ANKS1B: variants seen among roughly 807,000 people sequenced by gnomAD.
The protein encoded by ANKS1B is ankyrin repeat and sterile alpha motif domain-containing protein 1B.
A neutral mutation model predicts 148.3 loss-of-function variants in ANKS1B; 36 were observed. That is an observed-to-expected ratio of 0.24 (90% CI 0.19 to 0.32). The LOEUF (loss-of-function observed/expected upper bound fraction) is 0.32. Ranked by LOEUF, ANKS1B falls within the 10% of genes least tolerant of loss-of-function variation. The probability of loss-of-function intolerance (pLI) is 1.00; values close to 1 mark genes in which losing one functional copy is unlikely to be tolerated. For missense variants in ANKS1B, 1,157 were observed against 1,542.6 expected, an observed-to-expected ratio of 0.75 and a Z score of 4.19; for synonymous variants, 542 against 560.8, an observed-to-expected ratio of 0.97 and a Z score of 0.47.
chr12:99,732,678 T>C (rs2059276433), intron 8 of ANKS1B, among the ~76,000 whole-genome samples: 1 of 152,234 alleles, frequency 6.6e-6, no homozygotes, highest in Non-Finnish European at 1.5e-5. Context: ...GTTACATTAC[T>C]ATACATTTTT....
rs879173702 is a variant in ANKS1B, at chr12:99,369,791, T to TAGATGGATGGAC, written c.1756+29839_1756+29840insGTCCATCCATCT. The stretch of plus-strand genomic sequence containing the variant: ...ATAGATAGATAGATAGATAGATAGA[T>TAGATGGATGGAC]GGACGGACGGACAGACGGACGGACG... On this transcript the variant is annotated intron_variant, in intron 12 of 26. Transcript: ENST00000683438. 9.6e-4 allele frequency among the ~76,000 whole-genome samples: 143 copies of TAGATGGATGGAC among 148,888 alleles called. 4 individuals carry two copies. In the East Asian group the frequency reaches 0.025, roughly 26 times the overall value.
intron 17 of ANKS1B, chr12:98,949,812 G>C (rs2099851321): frequency 1.3e-5 from 2 of 152,200 alleles, no homozygotes; most frequent in South Asian, 4.1e-4. Context: ...CAGCTAAGAG[G>C]ATCTACTGAT....
At chr12:99,398,986 T>C (rs2094328754) in intron 12 of ANKS1B, among the ~76,000 whole-genome samples, 1 of 152,136 alleles carries the variant, frequency 6.6e-6, no homozygotes, top group Non-Finnish European at 1.5e-5. Context: ...TTATTGTAAA[T>C]TATATGGCAG....
intron 9 of ANKS1B, among the ~76,000 whole-genome samples, chr12:98,737,101 CAG>C (rs1352462264): frequency 1.3e-5 from 2 of 152,280 alleles, no homozygotes; most frequent in South Asian, 2.1e-4. Flanking sequence ...AGAGACCGCT[CAG>C]GGGACATTCT....
At chr12:99,778,092 CG>C (rs760839202) in intron 6 of ANKS1B, among the ~76,000 whole-genome samples, 251 of 151,750 alleles carry the variant, frequency 1.7e-3, no homozygotes, top group Non-Finnish European at 2.0e-3. Flanking sequence ...CCCAGCTACT[CG>C]GGAGGCTGAG....
intron 14 of ANKS1B, among the ~76,000 whole-genome samples, chr12:99,230,955 C>T (rs2086743977): frequency 6.6e-6 from 1 of 152,100 alleles, no homozygotes. Flanking sequence ...TCCCCAGTTG[C>T]TTCTATTAAA....
intron 17 of ANKS1B, among the ~76,000 whole-genome samples, chr12:98,965,359 T>A (rs764920549): frequency 1.3e-4 from 20 of 152,332 alleles, no homozygotes; most frequent in African/African-American, 2.2e-4. Context: ...ACAGAGGCAA[T>A]GTATATAAAG....
chr12:99,061,498 C>T (rs548213309), intron 16 of ANKS1B, among the ~76,000 whole-genome samples: 1 of 152,280 alleles, frequency 6.6e-6, no homozygotes, highest in East Asian at 1.9e-4. Flanking sequence ...ATGCTGTCAG[C>T]CCATGAACCA....
At chr12:98,935,922 A>T (rs2099818199) in intron 17 of ANKS1B, among the ~76,000 whole-genome samples, 1 of 152,228 alleles carries the variant, frequency 6.6e-6, no homozygotes, top group Admixed American at 6.5e-5. Flanking sequence ...AATAAATGGT[A>T]GCTATTATTG....
At chr12:99,491,298 C>T (rs888533416) in intron 10 of ANKS1B, among the ~76,000 whole-genome samples, 1 of 137,758 alleles carries the variant, frequency 7.3e-6, no homozygotes, top group Non-Finnish European at 1.6e-5. Flanking sequence ...GAGCAAGGCT[C>T]CATCTCAGAA....
At chr12:99,706,913 C>G in intron 8 of ANKS1B, among the ~76,000 whole-genome samples, 1 of 151,988 alleles carries the variant, frequency 6.6e-6, no homozygotes, top group East Asian at 1.9e-4. Flanking sequence ...AGCTTGGAAC[C>G]AGATCCTTCC....
chr12:99,579,517 C>T (rs987957794), intron 9 of ANKS1B, among the ~76,000 whole-genome samples: 3 of 151,972 alleles, frequency 2.0e-5, no homozygotes, highest in African/African-American at 7.3e-5. Flanking sequence ...AAACAAATAA[C>T]CCCATTAAAA....
At chr12:99,936,579 T>C (rs569740982) in intron 1 of ANKS1B, among the ~76,000 whole-genome samples, 15 of 152,352 alleles carry the variant, frequency 9.8e-5, no homozygotes, top group African/African-American at 3.6e-4. Context: ...TTATAAGGCC[T>C]ATGTTACTGA....
rs1553264 is a variant in ANKS1B, at chr12:99,426,038, T to G, written c.1575+17635A>C. 4.6e-3 allele frequency among the ~76,000 whole-genome samples: 696 copies of G among 152,292 alleles called. 3 individuals are homozygous for G. The highest frequency in any genetic ancestry group is 0.015 in the African/African-American group (621 of 41,568). ...TGTGTCTCTATCTTTTCATACATTTTGTTAGTTAATAGAGAAATGACTGCT... is the reference window on the plus strand; with the variant it reads ...TGTGTCTCTATCTTTTCATACATTTGGTTAGTTAATAGAGAAATGACTGCT... On this transcript the variant is annotated intron_variant, in intron 11 of 26. Transcript: ENST00000683438.
At chr12:98,794,640 C>A (rs73149056) in intron 22 of ANKS1B, 2 of 845,184 alleles carry the variant, frequency 2.4e-6, no homozygotes, top group Non-Finnish European at 2.0e-6. Flanking sequence ...GTTAGGTGGA[C>A]CAAAGCATTC....
chr12:99,495,866 A>C (rs1483770088), intron 10 of ANKS1B, among the ~76,000 whole-genome samples: 1 of 152,212 alleles, frequency 6.6e-6, no homozygotes, highest in East Asian at 1.9e-4. Flanking sequence ...CCATTCAAAA[A>C]ATATTTAGGT....
chr12:99,959,323 C>T (rs1159364407), intron 1 of ANKS1B, among the ~76,000 whole-genome samples: 1 of 150,888 alleles, frequency 6.6e-6, no homozygotes, highest in Non-Finnish European at 1.5e-5. Flanking sequence ...ATGATCCACC[C>T]GCCTCAGCCT....
chr12:98,931,953 A>G (rs12371333), intron 17 of ANKS1B, among the ~76,000 whole-genome samples: 14,987 of 152,156 alleles, frequency 0.098, 856 homozygotes, highest in Admixed American at 0.18. Flanking sequence ...ATTTGATCTT[A>G]ACAAGCTCTA....
intron 8 of ANKS1B, among the ~76,000 whole-genome samples, chr12:99,733,420 C>A (rs547893389): frequency 1.3e-5 from 2 of 152,224 alleles, no homozygotes; most frequent in Admixed American, 1.3e-4. Flanking sequence ...TGCCATGATA[C>A]GACAATAAAT....
Sources: gnomAD v4.1 joint callset for allele counts (sites outside exome capture counted in the v4.1 genomes callset) on GRCh38, gnomAD v4.1.1 for gene constraint, MANE v1.5 for transcripts, NCBI Gene and HGNC (gene_info 2026-07-23, HGNC 2026-07-21) for gene names.